Variants in TAAR5 observed in about 807,000 individuals in gnomAD.
The protein encoded by TAAR5 is trace amine associated receptor 5.
TAAR5 carries 27 observed loss-of-function variants against 21.1 expected under a neutral mutation model. The ratio of observed to expected loss-of-function variants is 1.28; its 90% CI spans 0.94 to 1.76. The LOEUF (loss-of-function observed/expected upper bound fraction) is 1.76. Among genes scored for constraint, TAAR5 ranks in the 40% most tolerant of loss-of-function variants. The pLI is 0.00. For missense variants in TAAR5, 495 were observed against 405.6 expected, an observed-to-expected ratio of 1.22 and a Z score of -1.89; for synonymous variants, 203 against 167.5, an observed-to-expected ratio of 1.21 and a Z score of -1.64.
chr6:132,595,575 A>G, the TAAR5 span: 6 of 152,200 alleles, frequency 3.9e-5, no homozygotes, highest in Admixed American at 6.6e-5. Context: ...GCCTGCATGT[A>G]CAATCCAAAT....
chr6:132,609,241 A>T, the TAAR5 span: 1 of 348,008 alleles, frequency 2.9e-6, no homozygotes, highest in Non-Finnish European at 5.6e-6. Flanking sequence ...ATTTTGGACA[A>T]CTGGATAGGT....
the TAAR5 span, chr6:132,608,221 C>A: frequency 2.5e-6 from 1 of 398,896 alleles, no homozygotes; most frequent in Admixed American, 3.1e-5. Flanking sequence ...TTGCAATATT[C>A]TATTCACTTT....
At chr6:132,595,742 A>G in the TAAR5 span, among the ~76,000 whole-genome samples, 4 of 152,230 alleles carry the variant, frequency 2.6e-5, no homozygotes, top group Admixed American at 1.3e-4. Flanking sequence ...TATTAACCTT[A>G]CACAGGATTC....
In TAAR5 at chr6:132,589,339, G is replaced by C. The variant is rs200752535; in HGVS notation, c.348C>G (p.Leu116=). Residue 116 remains leucine, a synonymous_variant, in exon 1 of 1, where the codon CTC becomes CTG. Coordinates refer to ENST00000258034, the MANE Select transcript of TAAR5 (RefSeq NM_003967.3). ...GATGGAAGATGGAGGTGAGGCAGAAGAGGGTGTCCAGGTAGGTGTGCAGGC... is the reference window on the plus strand; with the variant it reads ...GATGGAAGATGGAGGTGAGGCAGAACAGGGTGTCCAGGTAGGTGTGCAGGC... ...LCRLHTYLDT[L]FCLTSIFHLC... is the part of the protein sequence containing the mutation. 41 of 1,614,078 alleles carry C rather than the reference G, an allele frequency of 2.5e-5. No homozygotes were observed. The East Asian group carries it at 8.7e-4, about 34-fold the overall frequency.
At chr6:132,615,817 TG>T in the TAAR5 span, among the ~76,000 whole-genome samples, 2 of 150,686 alleles carry the variant, frequency 1.3e-5, no homozygotes, top group Non-Finnish European at 3.0e-5. Flanking sequence ...ATTGCTATAA[TG>T]GAAATGAAGA....
In TAAR5 at chr6:132,588,840, G is replaced by A. The variant is rs202029930; in HGVS notation, c.847C>T (p.Pro283Ser). The A allele has an allele frequency of 1.2e-6, 2 of 1,614,000 alleles. No individual in the cohort carries two copies. The highest frequency in any genetic ancestry group is 1.7e-6 in the Non-Finnish European group (2 of 1,180,008). ...MVDSLLHFIT[P>S]PLVFDIFIWF... ...ATAAAGATGTCAAAGACCAGTGGGG[G>A]TGTGATAAAGTGAAGGAGGCTGTCG... is the stretch of plus-strand genomic sequence containing the variant. Residue 283 changes from proline (P) to serine (S), a missense_variant, in exon 1 of 1, where the codon CCC becomes TCC. Transcript: ENST00000258034.
At chr6:132,605,612 G>T in the TAAR5 span, among the ~76,000 whole-genome samples, 1 of 151,790 alleles carries the variant, frequency 6.6e-6, no homozygotes, top group Non-Finnish European at 1.5e-5. Context: ...ACACACACAT[G>T]CACACACACA....
chr6:132,608,129 T>C, the TAAR5 span: 2 of 352,608 alleles, frequency 5.7e-6, no homozygotes, highest in Admixed American at 8.0e-5. Flanking sequence ...TAACGTTGAT[T>C]ACTGAAATTT....
At chr6:132,608,515 G>A in the TAAR5 span, 42 of 454,972 alleles carry the variant, frequency 9.2e-5, no homozygotes, top group Non-Finnish European at 4.4e-5. Context: ...CAGTGTCTTC[G>A]CTGCTTTCCT....
chr6:132,594,772 T>A, the TAAR5 span: 1 of 151,992 alleles, frequency 6.6e-6, no homozygotes, highest in Non-Finnish European at 1.5e-5. Flanking sequence ...ACTGTAAAAA[T>A]ATGTATGTAA....
chr6:132,594,132 C>T (rs776934312), upstream of TAAR5, among the ~76,000 whole-genome samples: 7 of 152,134 alleles, frequency 4.6e-5, no homozygotes, highest in African/African-American at 1.2e-4. Flanking sequence ...AATTCTAGAT[C>T]CCTAATTTGG....
In TAAR5 at chr6:132,588,696, T is replaced by C. The variant is rs1283569604; in HGVS notation, c.991A>G (p.Thr331Ala). Residue 331 changes from threonine to alanine, a missense_variant, in exon 1 of 1, where the codon ACT (threonine) becomes GCT (alanine). By Grantham distance (58) the Thr-to-Ala change is moderately conservative. Coordinates refer to ENST00000258034, the MANE Select transcript of TAAR5 (RefSeq NM_003967.3). ...SQKVFSPQTR[T>A]VDLYQE ...AATCATTCTTGGTACAAATCAACAG[T>C]GCGTGTCTGCGGTGAGAAGACCTTC... The C allele has an allele frequency of 5.0e-6, 8 of 1,613,370 alleles. No homozygotes were observed. Among genetic ancestry groups the C allele is most frequent in the South Asian group, 1.1e-5 (1 of 90,978 alleles).
upstream of TAAR5, among the ~76,000 whole-genome samples, chr6:132,591,417 G>T (rs570940431): frequency 6.6e-6 from 1 of 152,284 alleles, no homozygotes; most frequent in South Asian, 2.1e-4. Context: ...AAAGAAGGAA[G>T]GAGGTTGGTA....
At chr6:132,591,242 C>T (rs1358617397), upstream of TAAR5, among the ~76,000 whole-genome samples, 8 of 152,166 alleles carry the variant, frequency 5.3e-5, no homozygotes, top group African/African-American at 1.9e-4. Flanking sequence ...TCGTATTCTG[C>T]TCTCTGCCTC....
At chr6:132,600,280 A>G in the TAAR5 span, among the ~76,000 whole-genome samples, 78,390 of 147,452 alleles carry the variant, frequency 0.53, 21,277 homozygotes, top group African/African-American at 0.7. Flanking sequence ...CAGTTTGACA[A>G]TAATGTAAAA....
the TAAR5 span, among the ~76,000 whole-genome samples, chr6:132,613,446 TTATC>T: frequency 6.6e-6 from 1 of 152,280 alleles, no homozygotes; most frequent in African/African-American, 2.4e-5. Flanking sequence ...AATTTTTATG[TTATC>T]TATTATGTTG....
chr6:132,614,637 C>T, the TAAR5 span, among the ~76,000 whole-genome samples: 6 of 151,986 alleles, frequency 3.9e-5, no homozygotes, highest in East Asian at 1.9e-4. Flanking sequence ...TTTGCAGGTG[C>T]GACATCAGGA....
the TAAR5 span, among the ~76,000 whole-genome samples, chr6:132,598,364 A>T: frequency 6.6e-6 from 1 of 152,232 alleles, no homozygotes; most frequent in African/African-American, 2.4e-5. Flanking sequence ...CACACAAAAA[A>T]TAGCAAACAA....
upstream of TAAR5, among the ~76,000 whole-genome samples, chr6:132,593,966 C>T (rs1776941561): frequency 6.6e-6 from 1 of 152,188 alleles, no homozygotes; most frequent in African/African-American, 2.4e-5. Context: ...AGGCTCTCTC[C>T]CACTTCCCTA....
Sources: allele counts gnomAD v4.1 joint callset (sites outside exome capture counted in the v4.1 genomes callset), GRCh38; gene constraint gnomAD v4.1.1; transcripts MANE v1.5; gene names NCBI Gene and HGNC (gene_info 2026-07-23, HGNC 2026-07-21).